The following ELMO1 variants were observed in gnomAD, a reference collection of about 807,000 sequenced individuals.
ELMO1 encodes engulfment and cell motility protein 1.
Under a neutral mutation model 98.9 loss-of-function variants are expected in ELMO1, and 26 were observed. The ratio of observed to expected loss-of-function variants is 0.26; its 90% CI spans 0.19 to 0.36. ELMO1 has a LOEUF of 0.36. Among genes scored for constraint, ELMO1 ranks in the 10% least tolerant of loss-of-function variants. The pLI, the probability that ELMO1 is intolerant of heterozygous loss-of-function variation, is 1.00. For synonymous variants in ELMO1, 346 were observed against 346.0 expected (o/e 1.00, Z 0.00); for missense variants, 627 against 935.2 (o/e 0.67, Z 4.30).
intron 6 of ELMO1, among the ~76,000 whole-genome samples, chr7:37,244,738 A>G (rs1292251742): frequency 6.6e-6 from 1 of 152,226 alleles, no homozygotes; most frequent in African/African-American, 2.4e-5. Flanking sequence ...ATTTTAAATG[A>G]AAAAACATTG....
chr7:37,130,390 G>T (rs1017767789), intron 14 of ELMO1, among the ~76,000 whole-genome samples: 2 of 152,174 alleles, frequency 1.3e-5, no homozygotes, highest in Non-Finnish European at 2.9e-5. Flanking sequence ...GAGTCCTGGG[G>T]GCCTGTGCAT....
intron 13 of ELMO1, among the ~76,000 whole-genome samples, chr7:37,176,278 G>A (rs1173250504): frequency 6.6e-6 from 1 of 152,114 alleles, no homozygotes; most frequent in Non-Finnish European, 1.5e-5. Flanking sequence ...TACTTTCAAA[G>A]AAAAGGACTG....
At chr7:37,378,915 T>C (rs543123024) in intron 1 of ELMO1, among the ~76,000 whole-genome samples, 2 of 152,340 alleles carry the variant, frequency 1.3e-5, no homozygotes, top group Admixed American at 6.5e-5. Context: ...TTGCTCTTCC[T>C]TCCACTTCCA....
intron 19 of ELMO1, among the ~76,000 whole-genome samples, chr7:36,877,012 G>A (rs1386814025): frequency 6.6e-6 from 1 of 152,186 alleles, no homozygotes; most frequent in Non-Finnish European, 1.5e-5. Context: ...AGATGTCAGC[G>A]CAGAGTCTGA....
At chr7:37,069,357 A>G (rs1241173399) in intron 15 of ELMO1, among the ~76,000 whole-genome samples, 1 of 152,210 alleles carries the variant, frequency 6.6e-6, no homozygotes, top group Non-Finnish European at 1.5e-5. Flanking sequence ...GATGAAAACC[A>G]CTCAAATTAG....
rs1800788472 is a variant in ELMO1, at chr7:37,342,776, G to A, written c.-73-13C>T. 3 of 1,225,410 alleles carry A rather than the reference G, an allele frequency of 2.4e-6. No individual in the cohort carries two copies. Among genetic ancestry groups the A allele is most frequent in the East Asian group, 2.4e-5 (1 of 40,940 alleles). The allele number at this position is 1,225,410 out of a possible 1,614,324, so 75.9% of individuals were successfully genotyped here. A position where few individuals can be genotyped will look rare whatever the true frequency, so the allele number is the denominator to read the frequency against. On this transcript the variant is annotated splice_polypyrimidine_tract_variant and intron_variant, in intron 1 of 21. Transcript: ENST00000310758. The surrounding 1 kb of genome is among the most constrained non-coding windows in gnomAD (Gnocchi z 4.3). ...CACGTGTCTATACCTAATGAGGAAT[G>A]ACAGAAAAAGAAAGAGAAGTCACTC... is the stretch of plus-strand genomic sequence containing the variant.
intron 1 of ELMO1, among the ~76,000 whole-genome samples, chr7:37,441,299 G>A (rs954023809): frequency 6.6e-6 from 1 of 152,066 alleles, no homozygotes; most frequent in Non-Finnish European, 1.5e-5. Flanking sequence ...TCTGGACTAC[G>A]ACAGCAGCCA....
Position 37,395,810 on chromosome 7 carries a change from T to G in ELMO1, c.-74+52865A>C, listed in dbSNP as rs114501735. 2.4e-3 allele frequency among the ~76,000 whole-genome samples: 368 copies of G among 151,586 alleles called. 2 individuals are homozygous for G. Among genetic ancestry groups the G allele is most frequent in the African/African-American group, 7.7e-3 (321 of 41,498 alleles). Reference sequence around the variant, plus strand: ...TGTAAGCAAACATTCAGGGCTGAGGTAGGAGATAGGGACTTTCCAAGTAAA... The same window carrying G: ...TGTAAGCAAACATTCAGGGCTGAGGGAGGAGATAGGGACTTTCCAAGTAAA... On this transcript the variant is annotated intron_variant, in intron 1 of 21. Coordinates refer to ENST00000310758, the MANE Select transcript of ELMO1 (RefSeq NM_014800.11).
chr7:37,367,701 C>T (rs1323018357), intron 1 of ELMO1, among the ~76,000 whole-genome samples: 1 of 152,094 alleles, frequency 6.6e-6, no homozygotes, highest in East Asian at 1.9e-4. Flanking sequence ...AGACCAGCCA[C>T]AGTTATGGAA....
At chr7:37,270,352 T>C (rs1484575396) in intron 5 of ELMO1, 1 of 152,246 alleles carries the variant, frequency 6.6e-6, no homozygotes, top group African/African-American at 2.4e-5. Context: ...CAGGATGTTA[T>C]TGGGCAAAAT....
intron 2 of ELMO1, among the ~76,000 whole-genome samples, chr7:37,326,298 T>C (rs1799801514): frequency 6.6e-6 from 1 of 152,156 alleles, no homozygotes; most frequent in African/African-American, 2.4e-5. Context: ...CTCACACCTG[T>C]AATCCCAGCA....
intron 19 of ELMO1, among the ~76,000 whole-genome samples, chr7:36,872,889 TAG>T (rs1254211163): frequency 6.6e-6 from 1 of 152,190 alleles, no homozygotes; most frequent in Non-Finnish European, 1.5e-5. Flanking sequence ...GTCCATGAAC[TAG>T]AGACAGTGTC....
chr7:37,113,995 G>A (rs1785407821), intron 14 of ELMO1, among the ~76,000 whole-genome samples: 1 of 152,232 alleles, frequency 6.6e-6, no homozygotes, highest in Non-Finnish European at 1.5e-5. Context: ...TTTTGTTATG[G>A]CAGCCCTAGC....
chr7:37,058,893 C>T (rs1460855256), intron 15 of ELMO1, among the ~76,000 whole-genome samples: 1 of 152,162 alleles, frequency 6.6e-6, no homozygotes, highest in African/African-American at 2.4e-5. Flanking sequence ...ATTTCTGGAA[C>T]CCATTGTGGG....
chr7:37,032,969 G>A (rs1033990070), intron 15 of ELMO1, among the ~76,000 whole-genome samples: 1 of 152,136 alleles, frequency 6.6e-6, no homozygotes, highest in Non-Finnish European at 1.5e-5. Context: ...TGCACCTAAG[G>A]ATGGGTGGAA....
intron 1 of ELMO1, among the ~76,000 whole-genome samples, chr7:37,411,069 CAAG>C (rs1294967898): frequency 6.6e-6 from 1 of 152,186 alleles, no homozygotes; most frequent in Non-Finnish European, 1.5e-5. Context: ...GAAGTAGGAA[CAAG>C]AAGTAGTATA....
intron 13 of ELMO1, among the ~76,000 whole-genome samples, chr7:37,187,307 C>T (rs917870157): frequency 1.4e-4 from 21 of 152,102 alleles, no homozygotes; most frequent in African/African-American, 4.3e-4. Flanking sequence ...CTGGGGAGGA[C>T]GAACAGATTG....
chr7:37,222,788 T>TC (rs1277273742), intron 9 of ELMO1, 95 bp from the exon 10 acceptor site: 3 of 1,087,686 alleles, frequency 2.8e-6, no homozygotes, highest in Non-Finnish European at 4.0e-6. Context: ...ATCAGCCCCC[T>TC]CCCCCCAAAA....
intron 13 of ELMO1, among the ~76,000 whole-genome samples, chr7:37,170,341 AT>A (rs1362698855): frequency 6.6e-6 from 1 of 152,258 alleles, no homozygotes; most frequent in African/African-American, 2.4e-5. Flanking sequence ...AAAATTCAGC[AT>A]TGAATTGAAT....
Sources: allele counts gnomAD v4.1 joint callset (sites outside exome capture counted in the v4.1 genomes callset), GRCh38; gene constraint gnomAD v4.1.1; non-coding constraint Gnocchi (gnomAD v3.1); transcripts MANE v1.5; gene names NCBI Gene and HGNC (gene_info 2026-07-23, HGNC 2026-07-21).